Variants in CDKAL1 observed in about 807,000 individuals in gnomAD.
CDKAL1 encodes the protein CDKAL1 threonylcarbamoyladenosine tRNA methylthiotransferase.
In CDKAL1, 32 loss-of-function variants were observed where a neutral mutation model predicts 68.2. The observed-to-expected ratio is 0.47, with a 90% CI of 0.35 to 0.63. The LOEUF is 0.63. CDKAL1 is among the 30% of genes least tolerant of loss of function. The pLI is 0.00. For missense variants in CDKAL1, 606 were observed against 696.7 expected, an observed-to-expected ratio of 0.87 and a Z score of 1.47; for synonymous variants, 234 against 244.3, an observed-to-expected ratio of 0.96 and a Z score of 0.39.
chr6:20,873,758 G>A (rs1034605624), intron 9 of CDKAL1, among the ~76,000 whole-genome samples: 1 of 152,142 alleles, frequency 6.6e-6, no homozygotes, highest in Non-Finnish European at 1.5e-5. Context: ...TTTGTTTCAT[G>A]TTACAATTTT....
intron 13 of CDKAL1, among the ~76,000 whole-genome samples, chr6:21,131,069 A>G (rs573007372): frequency 6.6e-6 from 1 of 152,350 alleles, no homozygotes; most frequent in Non-Finnish European, 1.5e-5. Flanking sequence ...AAACAGTTAC[A>G]AAACAGTAGA....
chr6:20,736,179 A>G (rs538223637), intron 5 of CDKAL1, among the ~76,000 whole-genome samples: 1 of 147,236 alleles, frequency 6.8e-6, no homozygotes, highest in African/African-American at 2.4e-5. Context: ...AACTATTAGC[A>G]AACTATGGCC....
At chr6:21,007,312 C>T (rs1160781929) in intron 11 of CDKAL1, among the ~76,000 whole-genome samples, 1 of 151,590 alleles carries the variant, frequency 6.6e-6, no homozygotes, top group East Asian at 2.0e-4. Flanking sequence ...CGCCTGTAGT[C>T]GCAGCTACTT....
chr6:20,994,747 G>A (rs144923808), intron 10 of CDKAL1, among the ~76,000 whole-genome samples: 2 of 152,284 alleles, frequency 1.3e-5, no homozygotes, highest in African/African-American at 2.4e-5. Flanking sequence ...ATAGCGTTAT[G>A]TGTAAAAAAT....
In CDKAL1 at chr6:20,714,378, C is replaced by CTTTTTTT. The variant is rs545162371; in HGVS notation, c.372-25119_372-25113dup. Among the ~76,000 whole-genome samples the CTTTTTTT allele has an allele frequency of 5.8e-4, 42 of 72,740 alleles. 4 individuals carry two copies. Among genetic ancestry groups the CTTTTTTT allele is most frequent in the South Asian group, 9.2e-4 (2 of 2,172 alleles). 47.7% of individuals were successfully genotyped at this position (72,740 alleles called of 152,430 possible). A position where few individuals can be genotyped will look rare whatever the true frequency, so the allele number is the denominator to read the frequency against. The stretch of plus-strand genomic sequence containing the variant: ...AATATTAATGATACTATTGTCTGTT[C>CTTTTTTT]TTTTTTTTTTTTTTTTTTTTTTTTT... On this transcript the variant is annotated intron_variant, in intron 5 of 15. Transcript: ENST00000274695.
At chr6:20,996,776 C>G (rs1767138113) in intron 10 of CDKAL1, among the ~76,000 whole-genome samples, 1 of 152,190 alleles carries the variant, frequency 6.6e-6, no homozygotes, top group Non-Finnish European at 1.5e-5. Flanking sequence ...ATGCTTGACA[C>G]AGGGTTGCCA....
intron 4 of CDKAL1, among the ~76,000 whole-genome samples, chr6:20,567,836 C>T (rs1228859323): frequency 6.6e-6 from 1 of 152,064 alleles, no homozygotes; most frequent in Admixed American, 6.6e-5. Flanking sequence ...GCCTCAGCCT[C>T]CTGAGTAGCT....
chr6:20,877,051 A>T (rs1760556120), intron 9 of CDKAL1, among the ~76,000 whole-genome samples: 1 of 152,218 alleles, frequency 6.6e-6, no homozygotes, highest in Admixed American at 6.5e-5. Context: ...GATGGTTCCA[A>T]TTCTGGCCTT....
intron 5 of CDKAL1, among the ~76,000 whole-genome samples, chr6:20,722,133 G>A (rs184481829): frequency 6.6e-6 from 1 of 152,178 alleles, no homozygotes; most frequent in East Asian, 1.9e-4. Flanking sequence ...GTGAAGGCAG[G>A]GGACTCAAAT....
chr6:21,209,218 A>G (rs1390270480), intron 15 of CDKAL1, among the ~76,000 whole-genome samples: 6 of 151,362 alleles, frequency 4.0e-5, no homozygotes, highest in Non-Finnish European at 8.8e-5. Flanking sequence ...ACACACCCAC[A>G]TAGAGGCATC....
rs1398236612 is a variant in CDKAL1 at position 21,201,254 on chromosome 6, G to T, written c.1528G>T (p.Glu510Ter). The change falls in exon 15 of 16, where the codon GAA becomes TAA. Residue 510 changes from glutamate to a stop codon, truncating the protein, a stop_gained. Transcript: ENST00000274695. LOFTEE classifies it low-confidence loss of function (END_TRUNC). ...CATCAGCAAACCGCTAGCAAAGGGAGAAGTCTCGGGTTTGACAAAGGTAAG... is the reference window on the plus strand; with the variant it reads ...CATCAGCAAACCGCTAGCAAAGGGATAAGTCTCGGGTTTGACAAAGGTAAG... ...PSISKPLAKG[E>*]VSGLTKDFRN... 1 of 1,609,716 alleles carries T rather than the reference G, an allele frequency of 6.2e-7. No individual in the cohort carries two copies. Among genetic ancestry groups the T allele is most frequent in the Non-Finnish European group, 8.5e-7 (1 of 1,176,336 alleles).
chr6:20,733,816 TG>T (rs1773062793), intron 5 of CDKAL1, among the ~76,000 whole-genome samples: 2 of 152,306 alleles, frequency 1.3e-5, no homozygotes, highest in South Asian at 4.1e-4. Flanking sequence ...AATGATATTT[TG>T]TCATCTTTAA....
intron 13 of CDKAL1, among the ~76,000 whole-genome samples, chr6:21,169,634 C>T (rs1777293038): frequency 6.6e-6 from 1 of 152,140 alleles, no homozygotes; most frequent in Admixed American, 6.5e-5. Flanking sequence ...GAGACTCTGT[C>T]TCAGAAGAAA....
At chr6:21,031,396 G>GA (rs901460074) in intron 11 of CDKAL1, among the ~76,000 whole-genome samples, 2 of 151,598 alleles carry the variant, frequency 1.3e-5, no homozygotes, top group Non-Finnish European at 2.9e-5. Context: ...GGCCCATCAG[G>GA]AAAAATCTCC....
chr6:21,109,767 T>G (rs1774030178), intron 13 of CDKAL1, among the ~76,000 whole-genome samples: 1 of 152,128 alleles, frequency 6.6e-6, no homozygotes, highest in African/African-American at 2.4e-5. Flanking sequence ...TTTTTTTAGA[T>G]GAAGCCACTT....
chr6:20,635,312 C>G (rs186847211), intron 4 of CDKAL1, among the ~76,000 whole-genome samples: 77 of 152,276 alleles, frequency 5.1e-4, no homozygotes, highest in Admixed American at 4.2e-3. Flanking sequence ...GTGGCAGTTT[C>G]ATTCCTGTGG....
chr6:20,936,336 C>T (rs1387759560), intron 9 of CDKAL1, among the ~76,000 whole-genome samples: 9 of 146,732 alleles, frequency 6.1e-5, no homozygotes, highest in African/African-American at 2.0e-4. Flanking sequence ...CTGCAAGCTC[C>T]GCCTCCCGGG....
Position 20,989,840 on chromosome 6 carries a change from A to G in CDKAL1, c.910-10387A>G, listed in dbSNP as rs147901029. ...GAGTTTTTCATATGTGTTCCATTCT[A>G]TGAATTTTAAAATATATATATATAG... is the stretch of plus-strand genomic sequence containing the variant. On this transcript the variant is annotated intron_variant, in intron 10 of 15. Transcript: ENST00000274695. 3.0e-3 allele frequency among the ~76,000 whole-genome samples: 458 copies of G among 152,260 alleles called. 4 individuals carry two copies. The highest frequency in any genetic ancestry group is 9.5e-3 in the African/African-American group (393 of 41,542).
chr6:20,720,897 T>A (rs185578192), intron 5 of CDKAL1, among the ~76,000 whole-genome samples: 186 of 152,368 alleles, frequency 1.2e-3, no homozygotes, highest in Admixed American at 2.6e-3. Context: ...TCACTTGAGA[T>A]AATGACCTCC....
Sources: gnomAD v4.1 joint callset for allele counts (sites outside exome capture counted in the v4.1 genomes callset) on GRCh38, gnomAD v4.1.1 for gene constraint, MANE v1.5 for transcripts, NCBI Gene and HGNC (gene_info 2026-07-23, HGNC 2026-07-21) for gene names.